The following MBOAT2 variants were observed in gnomAD, a reference collection of about 807,000 sequenced individuals.
MBOAT2 encodes membrane-bound glycerophospholipid O-acyltransferase 2.
MBOAT2 carries 28 observed loss-of-function variants against 63.4 expected under a neutral mutation model. The observed-to-expected ratio is 0.44, with a 90% confidence interval of 0.33 to 0.61. The LOEUF is 0.61. MBOAT2 is among the 20% of genes least tolerant of loss of function. The probability of loss-of-function intolerance (pLI) is 0.03; values close to 1 mark genes in which losing one functional copy is unlikely to be tolerated. For synonymous variants in MBOAT2, 211 were observed against 215.6 expected (o/e 0.98, Z 0.19); for missense variants, 470 against 605.8 (o/e 0.78, Z 2.35).
chr2:8,944,897 C>T (rs367738031), intron 2 of MBOAT2, among the ~76,000 whole-genome samples: 17 of 152,220 alleles, frequency 1.1e-4, no homozygotes, highest in African/African-American at 3.4e-4. Context: ...TCTGCTAGAA[C>T]ACCCTTAAGG....
intron 7 of MBOAT2, among the ~76,000 whole-genome samples, chr2:8,875,940 G>A (rs1662668266): frequency 6.6e-6 from 1 of 152,242 alleles, no homozygotes; most frequent in Non-Finnish European, 1.5e-5. Context: ...GCAAGTGCAG[G>A]TACATTTCTA....
chr2:8,924,687 C>A (rs75665046), intron 3 of MBOAT2, among the ~76,000 whole-genome samples: 4 of 151,412 alleles, frequency 2.6e-5, no homozygotes, highest in Non-Finnish European at 5.9e-5. Context: ...CAAACCCCCA[C>A]CCAGCTATGG....
chr2:8,866,479 C>T (rs762863983), intron 9 of MBOAT2, among the ~76,000 whole-genome samples: 6 of 152,114 alleles, frequency 3.9e-5, no homozygotes, highest in Non-Finnish European at 8.8e-5. Flanking sequence ...TTTTTATTGC[C>T]AACATTGTTG....
At chr2:8,893,210 C>T (rs1664148746) in intron 4 of MBOAT2, among the ~76,000 whole-genome samples, 1 of 151,786 alleles carries the variant, frequency 6.6e-6, no homozygotes, top group African/African-American at 2.4e-5. Context: ...CAATGGGATT[C>T]GATAATGTAT....
At chr2:8,962,860 A>G (rs181398456) in intron 1 of MBOAT2, among the ~76,000 whole-genome samples, 1 of 152,274 alleles carries the variant, frequency 6.6e-6, no homozygotes, top group Non-Finnish European at 1.5e-5. Flanking sequence ...AAAAGAACCT[A>G]TATACACACA....
At position 8,864,190 on chromosome 2, in the gene MBOAT2, C is replaced by T. The variant is rs763132416; in HGVS notation, c.1032G>A (p.Gln344=). 6 of 1,580,726 alleles carry T rather than the reference C, an allele frequency of 3.8e-6. No individual in the cohort carries two copies. The South Asian group carries it at 7.1e-5, about 19-fold the overall frequency. The change falls in exon 10 of 13, where the codon CAG becomes CAA. Residue 344 remains glutamine (Q), a synonymous_variant. Coordinates refer to ENST00000305997, the MANE Select transcript of MBOAT2 (RefSeq NM_138799.4). ...CGCACCTTTTGAGCCAAAGAGCTGT[C>T]TGAATATTCCAATTATCAAGAAACA... The part of the protein sequence containing the change: ...FKMFLDNWNI[Q]TALWLKRVCY...
intron 3 of MBOAT2, among the ~76,000 whole-genome samples, chr2:8,931,521 C>A (rs1558628375): frequency 6.6e-6 from 1 of 152,168 alleles, no homozygotes; most frequent in Admixed American, 6.5e-5. Flanking sequence ...CAAAAATTTA[C>A]TCCCATTCTG....
At chr2:8,864,988 C>T (rs1443655278) in intron 9 of MBOAT2, among the ~76,000 whole-genome samples, 1 of 152,116 alleles carries the variant, frequency 6.6e-6, no homozygotes, top group Non-Finnish European at 1.5e-5. Flanking sequence ...CTATCAAAAC[C>T]CTAATTCCAG....
chr2:9,000,577 G>A (rs1672611217), intron 1 of MBOAT2, among the ~76,000 whole-genome samples: 4 of 152,176 alleles, frequency 2.6e-5, no homozygotes, highest in African/African-American at 7.2e-5. Flanking sequence ...GTCACTTAAT[G>A]ATGAGGCTAT....
rs1289767836 is a variant in MBOAT2, at chr2:8,857,924, T to A, written c.*755A>T. The A allele has an allele frequency of 6.6e-6, 1 of 152,512 alleles. No individual in the cohort carries two copies. The highest frequency in any genetic ancestry group is 1.5e-5 in the Non-Finnish European group (1 of 68,034). The allele number at this position is 152,512 out of a possible 1,614,324, so 9.4% of individuals were successfully genotyped here. A position where few individuals can be genotyped will look rare whatever the true frequency, so the allele number is the denominator to read the frequency against. Reference sequence around the variant, plus strand: ...GCCTTCCTTCGTCACCTCTCTCTTTTAAGAAAAAGAATAAGCTTAAAATAT... The same window carrying A: ...GCCTTCCTTCGTCACCTCTCTCTTTAAAGAAAAAGAATAAGCTTAAAATAT... On this transcript the variant is annotated 3_prime_UTR_variant, in exon 13 of 13. Transcript: ENST00000305997.
chr2:8,915,834 T>C (rs1666131261), intron 3 of MBOAT2, among the ~76,000 whole-genome samples: 1 of 152,202 alleles, frequency 6.6e-6, no homozygotes. Flanking sequence ...CTTTTTATTA[T>C]TCCTACCTGT....
At chr2:8,990,901 A>C (rs974645798) in intron 1 of MBOAT2, among the ~76,000 whole-genome samples, 1 of 152,214 alleles carries the variant, frequency 6.6e-6, no homozygotes, top group African/African-American at 2.4e-5. Context: ...ACAGCACCCA[A>C]AATTATAAGC....
intron 3 of MBOAT2, among the ~76,000 whole-genome samples, chr2:8,933,369 A>G (rs1667451928): frequency 6.6e-6 from 1 of 152,184 alleles, no homozygotes; most frequent in Non-Finnish European, 1.5e-5. Flanking sequence ...AGAGGGCAGA[A>G]ACAGGGTCTT....
chr2:8,950,986 A>G (rs1046022152), intron 2 of MBOAT2, among the ~76,000 whole-genome samples: 3 of 152,196 alleles, frequency 2.0e-5, no homozygotes, highest in East Asian at 3.8e-4. Context: ...AATAAAGCCT[A>G]CTTCATCATG....
chr2:8,938,537 C>G (rs887728613), intron 3 of MBOAT2, among the ~76,000 whole-genome samples: 1 of 151,170 alleles, frequency 6.6e-6, no homozygotes, highest in Non-Finnish European at 1.5e-5. Flanking sequence ...CATGCCGCCA[C>G]GTTTCATGCC....
intron 3 of MBOAT2, among the ~76,000 whole-genome samples, chr2:8,939,433 T>C (rs1328957131): frequency 6.6e-6 from 1 of 152,152 alleles, no homozygotes; most frequent in African/African-American, 2.4e-5. Context: ...CAGAGTCCGA[T>C]GGCATCAACC....
chr2:8,918,861 T>C (rs1161994349), intron 3 of MBOAT2, among the ~76,000 whole-genome samples: 1 of 152,246 alleles, frequency 6.6e-6, no homozygotes, highest in African/African-American at 2.4e-5. Context: ...TGTGTGACCA[T>C]CACTGCAAGA....
intron 5 of MBOAT2, among the ~76,000 whole-genome samples, chr2:8,883,943 A>G (rs1221329620): frequency 6.6e-6 from 1 of 151,902 alleles, no homozygotes; most frequent in Non-Finnish European, 1.5e-5. Flanking sequence ...AGAAGGGGCC[A>G]GGTGCAGAGT....
intron 1 of MBOAT2, among the ~76,000 whole-genome samples, chr2:8,977,408 A>G (rs1339956142): frequency 6.6e-6 from 1 of 152,158 alleles, no homozygotes; most frequent in Non-Finnish European, 1.5e-5. Flanking sequence ...TTTCTTCCCC[A>G]TTCATCCTTT....
Sources: allele counts gnomAD v4.1 joint callset (sites outside exome capture counted in the v4.1 genomes callset), GRCh38; gene constraint gnomAD v4.1.1; transcripts MANE v1.5; gene names NCBI Gene and HGNC (gene_info 2026-07-23, HGNC 2026-07-21).